The following GRM8 variants were observed in gnomAD, a reference collection of about 807,000 sequenced individuals.
GRM8 encodes metabotropic glutamate receptor 8.
A neutral mutation model predicts 87.2 loss-of-function variants in GRM8; 47 were observed. The ratio of observed to expected loss-of-function variants is 0.54; its 90% CI spans 0.43 to 0.69. The LOEUF is 0.69. Among genes scored for constraint, GRM8 ranks in the 30% least tolerant of loss-of-function variants. The probability of loss-of-function intolerance (pLI) is 0.00; values close to 1 mark genes in which losing one functional copy is unlikely to be tolerated. For synonymous variants in GRM8, 396 were observed against 404.5 expected (o/e 0.98, Z 0.25); for missense variants, 1,019 against 1,139.2 (o/e 0.89, Z 1.52).
chr7:126,818,981 G>A (rs1794037273), intron 6 of GRM8, among the ~76,000 whole-genome samples: 1 of 152,034 alleles, frequency 6.6e-6, no homozygotes, highest in Non-Finnish European at 1.5e-5. Context: ...CCTTCTGAGA[G>A]TCTCTCTAAT....
chr7:127,218,815 T>C (rs930075658), intron 2 of GRM8, among the ~76,000 whole-genome samples: 2 of 152,218 alleles, frequency 1.3e-5, no homozygotes, highest in African/African-American at 4.8e-5. Flanking sequence ...TGAACTTGAA[T>C]GTTCAAAGGG....
At chr7:126,470,088 A>T (rs550254885) in intron 9 of GRM8, among the ~76,000 whole-genome samples, 215 of 152,284 alleles carry the variant, frequency 1.4e-3, no homozygotes, top group Non-Finnish European at 2.4e-3. Context: ...GCCACACTCT[A>T]GTAAATAGAC....
chr7:127,106,560 C>T lies in GRM8; in HGVS notation c.663G>A (p.Leu221=). The T allele has an allele frequency of 6.2e-7, 1 of 1,614,132 alleles. No homozygotes were observed. The highest frequency in any genetic ancestry group is 8.5e-7 in the Non-Finnish European group (1 of 1,180,000). Residue 221 remains leucine, a synonymous_variant, in exon 3 of 11, where the codon CTG becomes CTA. Coordinates refer to ENST00000339582, the MANE Select transcript of GRM8 (RefSeq NM_000845.3). The part of the protein sequence containing the change: ...TALGWNYVST[L]ASEGNYGESG... Reference sequence around the variant, plus strand: ...TCTCACCATAGTTCCCCTCAGAAGCCAGTGTCGAAACATAATTCCATCCCA... The same window carrying T: ...TCTCACCATAGTTCCCCTCAGAAGCTAGTGTCGAAACATAATTCCATCCCA...
At chr7:126,922,516 T>C (rs748168201) in intron 3 of GRM8, among the ~76,000 whole-genome samples, 2 of 152,164 alleles carry the variant, frequency 1.3e-5, no homozygotes, top group Non-Finnish European at 2.9e-5. Context: ...ATAATTGTTC[T>C]TGGGGATCAA....
At chr7:126,532,927 G>A (rs899280570) in intron 9 of GRM8, 25 bp downstream of exon 9, 1 of 1,410,238 alleles carries the variant, frequency 7.1e-7, no homozygotes, top group East Asian at 2.3e-5. Context: ...GGAAAAAGTT[G>A]TCAAGTGTAT....
intron 3 of GRM8, among the ~76,000 whole-genome samples, chr7:126,955,085 A>G (rs956012759): frequency 6.6e-6 from 1 of 152,328 alleles, no homozygotes; most frequent in African/African-American, 2.4e-5. Context: ...AGGCAAAAGA[A>G]TAAGAGTGAA....
At chr7:127,225,292 C>T (rs1387626414) in intron 2 of GRM8, among the ~76,000 whole-genome samples, 1 of 152,182 alleles carries the variant, frequency 6.6e-6, no homozygotes, top group Non-Finnish European at 1.5e-5. Flanking sequence ...AATGTGTGCC[C>T]TGGTGCTTAT....
chr7:126,748,782 T>A (rs7801141), intron 7 of GRM8, among the ~76,000 whole-genome samples: 1 of 151,814 alleles, frequency 6.6e-6, no homozygotes, highest in East Asian at 1.9e-4. Flanking sequence ...TATTAGAATA[T>A]GCATACACAT....
At chr7:127,019,524 A>G (rs1483164242) in intron 3 of GRM8, among the ~76,000 whole-genome samples, 2 of 152,108 alleles carry the variant, frequency 1.3e-5, no homozygotes, top group African/African-American at 4.8e-5. Context: ...TAAAGCATAA[A>G]TAGATTTCTA....
chr7:127,184,660 T>C (rs1587224194), intron 2 of GRM8, among the ~76,000 whole-genome samples: 1 of 151,826 alleles, frequency 6.6e-6, no homozygotes, highest in African/African-American at 2.4e-5. Context: ...GAAAAGGAAA[T>C]AAAAGGTATA....
At chr7:127,014,941 GAGAA>G (rs147168183) in intron 3 of GRM8, among the ~76,000 whole-genome samples, 4,119 of 131,314 alleles carry the variant, frequency 0.031, 219 homozygotes, top group East Asian at 0.11. Flanking sequence ...GAGAGAGAGA[GAGAA>G]AGAGAGAGAG....
intron 6 of GRM8, among the ~76,000 whole-genome samples, chr7:126,853,005 C>T (rs1388723649): frequency 1.3e-5 from 2 of 152,084 alleles, no homozygotes; most frequent in Non-Finnish European, 2.9e-5. Context: ...TGCTAGCATC[C>T]GCATTATTTT....
intron 3 of GRM8, among the ~76,000 whole-genome samples, chr7:126,958,958 A>G (rs1003037): frequency 0.77 from 116,829 of 152,120 alleles, 45,226 homozygotes; most frequent in East Asian, 0.97. Flanking sequence ...AACCATCACA[A>G]AGGATATACT....
At position 126,904,647 on chromosome 7, in the gene GRM8, C is replaced by T. The variant is rs78266043; in HGVS notation, c.764G>A (p.Arg255His). ...TTCAAATTCTCCAGGTCTTGGTTCACGTGGGATTTTCTGTGACTGAGCAAT... is the reference window on the plus strand; with the variant it reads ...TTCAAATTCTCCAGGTCTTGGTTCATGTGGGATTTTCTGTGACTGAGCAAT... ...VCIAQSQKIPREPRPGEFEKI... is the reference protein window; with the variant it reads ...VCIAQSQKIPHEPRPGEFEKI... Residue 255 changes from arginine to histidine, a missense_variant, in exon 4 of 11, where the codon CGT becomes CAT. Physicochemically the swap from Arg to His is conservative, Grantham distance 29 (BLOSUM62 0). Transcript: ENST00000339582. 1.1e-4 allele frequency: 183 copies of T among 1,613,514 alleles called. No homozygotes were observed. The highest frequency in any genetic ancestry group is 1.7e-4 in the Middle Eastern group (1 of 6,058).
At chr7:126,918,641 G>C (rs1420350855) in intron 3 of GRM8, among the ~76,000 whole-genome samples, 2 of 152,148 alleles carry the variant, frequency 1.3e-5, no homozygotes, top group African/African-American at 4.8e-5. Context: ...TGTGAGAATA[G>C]GTTTTTAAAA....
intron 2 of GRM8, among the ~76,000 whole-genome samples, chr7:127,225,386 C>T (rs942555087): frequency 1.3e-5 from 2 of 152,094 alleles, no homozygotes; most frequent in Admixed American, 1.3e-4. Flanking sequence ...CTCAGCTCAC[C>T]TTCAGCATGG....
intron 2 of GRM8, 66 bp from the exon 3 acceptor site, chr7:127,106,778 G>T: frequency 8.7e-7 from 1 of 1,147,960 alleles, no homozygotes; most frequent in African/African-American, 1.5e-5. Context: ...ATTGTCATAT[G>T]AGCTAAACAG....
intron 2 of GRM8, among the ~76,000 whole-genome samples, chr7:127,173,976 G>T (rs2116347989): frequency 6.6e-6 from 1 of 152,232 alleles, no homozygotes; most frequent in East Asian, 1.9e-4. Flanking sequence ...TATGAAAACT[G>T]ACTTTTTGAT....
At chr7:126,594,235 G>T (rs117541066) in intron 8 of GRM8, among the ~76,000 whole-genome samples, 1 of 151,966 alleles carries the variant, frequency 6.6e-6, no homozygotes, top group Non-Finnish European at 1.5e-5. Context: ...TCTCCTACTC[G>T]ATATATATCC....
Sources: gnomAD v4.1 joint callset for allele counts (sites outside exome capture counted in the v4.1 genomes callset) on GRCh38, gnomAD v4.1.1 for gene constraint, MANE v1.5 for transcripts, NCBI Gene and HGNC (gene_info 2026-07-23, HGNC 2026-07-21) for gene names.